Variants in FARS2 observed in about 807,000 individuals in gnomAD.
The protein encoded by FARS2 is phenylalanine--tRNA ligase, mitochondrial.
In FARS2, 40 loss-of-function variants were observed where a neutral mutation model predicts 46.4. The observed-to-expected ratio is 0.86, with a 90% CI of 0.67 to 1.12. The LOEUF (loss-of-function observed/expected upper bound fraction) is 1.12, where lower values mean the gene tolerates loss of function less well. Ranked by LOEUF, FARS2 falls within the 50% of genes most tolerant of loss-of-function variation. The pLI, the probability that FARS2 is intolerant of heterozygous loss-of-function variation, is 0.00. For synonymous variants in FARS2, 234 were observed against 214.9 expected (o/e 1.09, Z -0.78); for missense variants, 513 against 567.9 (o/e 0.90, Z 0.98).
the FARS2 span, among the ~76,000 whole-genome samples, chr6:5,252,435 G>A: frequency 1.3e-5 from 2 of 152,128 alleles, no homozygotes; most frequent in Non-Finnish European, 1.5e-5. Flanking sequence ...ATTTAGCTCA[G>A]TCCAACACTT....
intron 5 of FARS2, among the ~76,000 whole-genome samples, chr6:5,590,651 A>G (rs546027814): frequency 6.6e-6 from 1 of 152,356 alleles, no homozygotes; most frequent in South Asian, 2.1e-4. Context: ...CCATATGTGC[A>G]GTCCTCATCC....
At chr6:5,320,527 G>C (rs1256566913) in intron 1 of FARS2, among the ~76,000 whole-genome samples, 1 of 152,178 alleles carries the variant, frequency 6.6e-6, no homozygotes, top group East Asian at 1.9e-4. Flanking sequence ...GACCACTTAA[G>C]GTGGTACTGT....
chr6:5,648,948 A>G (rs573423878), intron 6 of FARS2, among the ~76,000 whole-genome samples: 1 of 152,310 alleles, frequency 6.6e-6, no homozygotes, highest in African/African-American at 2.4e-5. Flanking sequence ...ATGAATGAAT[A>G]CAGTATAAAA....
intron 5 of FARS2, among the ~76,000 whole-genome samples, chr6:5,571,099 T>C (rs1476037920): frequency 1.3e-5 from 2 of 152,234 alleles, no homozygotes; most frequent in African/African-American, 4.8e-5. Flanking sequence ...ACATCGTGCA[T>C]CTATTAAAGG....
At chr6:5,686,409 G>T (rs934198912) in intron 6 of FARS2, among the ~76,000 whole-genome samples, 1 of 151,474 alleles carries the variant, frequency 6.6e-6, no homozygotes, top group African/African-American at 2.4e-5. Context: ...GTGTCCATGT[G>T]TTCTCATTGT....
chr6:5,273,712 T>G (rs1392069044), intron 1 of FARS2, among the ~76,000 whole-genome samples: 5 of 152,234 alleles, frequency 3.3e-5, no homozygotes, highest in Admixed American at 6.5e-5. Flanking sequence ...TTTGGTGGCC[T>G]GTACTTTTGA....
At chr6:5,482,120 A>G (rs1766499687) in intron 4 of FARS2, among the ~76,000 whole-genome samples, 1 of 146,830 alleles carries the variant, frequency 6.8e-6, no homozygotes, top group Admixed American at 6.8e-5. Context: ...ATCTCATAGG[A>G]TTGCCAGCTT....
chr6:5,354,516 CTTTT>C (rs529291216), intron 1 of FARS2, among the ~76,000 whole-genome samples: 3 of 139,992 alleles, frequency 2.1e-5, no homozygotes, highest in Non-Finnish European at 3.1e-5. Flanking sequence ...TAGTGGTTTC[CTTTT>C]TTTTTTTTTT....
At chr6:5,614,065 A>C (rs762125501) in intron 6 of FARS2, among the ~76,000 whole-genome samples, 1 of 152,080 alleles carries the variant, frequency 6.6e-6, no homozygotes. Flanking sequence ...GGCTGTGTAA[A>C]GTGATGATTG....
intron 1 of FARS2, among the ~76,000 whole-genome samples, chr6:5,289,040 GCCCT>G (rs1767325017): frequency 6.6e-6 from 1 of 152,160 alleles, no homozygotes; most frequent in African/African-American, 2.4e-5. Flanking sequence ...CAATCAGCAT[GCCCT>G]TAGAGTGGGA....
At chr6:5,444,264 C>T (rs12199688) in intron 4 of FARS2, among the ~76,000 whole-genome samples, 1,653 of 151,946 alleles carry the variant, frequency 0.011, 22 homozygotes, top group Non-Finnish European at 0.019. Flanking sequence ...GTCAGGAGTT[C>T]GCGACCAGCC....
intron 6 of FARS2, among the ~76,000 whole-genome samples, chr6:5,736,833 A>C (rs111375468): frequency 6.6e-6 from 1 of 152,152 alleles, no homozygotes; most frequent in African/African-American, 2.4e-5. Flanking sequence ...TCTAAGAGTG[A>C]TGGGTAAGTA....
At position 5,615,423 on chromosome 6, in the gene FARS2, C is replaced by T. The variant is rs62385465; in HGVS notation, c.1217+2103C>T. On this transcript the variant is annotated intron_variant, in intron 6 of 6. Transcript: ENST00000274680. Reference sequence around the variant, plus strand: ...TCTGTAGTTACTTTGCTTTTCTCCCCGTTCTGGGTTCTGCAAGCTCACATT... The same window carrying T: ...TCTGTAGTTACTTTGCTTTTCTCCCTGTTCTGGGTTCTGCAAGCTCACATT... 4.7e-3 allele frequency among the ~76,000 whole-genome samples: 709 copies of T among 152,276 alleles called. 2 individuals carry two copies. Among genetic ancestry groups the T allele is most frequent in the African/African-American group, 7.5e-3 (313 of 41,554 alleles).
chr6:5,345,662 C>T (rs922775276), intron 1 of FARS2, among the ~76,000 whole-genome samples: 2 of 152,046 alleles, frequency 1.3e-5, no homozygotes, highest in African/African-American at 4.8e-5. Context: ...TGAGAGTAGC[C>T]CACAATTAAA....
At chr6:5,693,847 T>G (rs564849946) in intron 6 of FARS2, among the ~76,000 whole-genome samples, 80 of 152,328 alleles carry the variant, frequency 5.3e-4, no homozygotes, top group Admixed American at 1.8e-3. Context: ...CAGTGTCTTC[T>G]GAATTGTTAG....
chr6:5,396,473 G>T (rs762092710), intron 2 of FARS2, among the ~76,000 whole-genome samples: 1 of 152,154 alleles, frequency 6.6e-6, no homozygotes, highest in African/African-American at 2.4e-5. Flanking sequence ...AGGTATAAAA[G>T]TATGAGGATT....
intron 5 of FARS2, among the ~76,000 whole-genome samples, chr6:5,555,331 C>T (rs1159700428): frequency 1.3e-5 from 2 of 152,086 alleles, no homozygotes; most frequent in East Asian, 1.9e-4. Context: ...CGGACTAATA[C>T]AGTGTGTAAC....
chr6:5,380,923 G>A (rs186247106), intron 2 of FARS2, among the ~76,000 whole-genome samples: 1 of 151,800 alleles, frequency 6.6e-6, no homozygotes, highest in Admixed American at 6.6e-5. Flanking sequence ...AGTTTTTATA[G>A]AAACTTTATA....
At chr6:5,538,407 G>A (rs1770354405) in intron 4 of FARS2, among the ~76,000 whole-genome samples, 1 of 152,114 alleles carries the variant, frequency 6.6e-6, no homozygotes, top group South Asian at 2.1e-4. Context: ...TAAAACTGGA[G>A]CAAAAGTCAC....
Sources: gnomAD v4.1 joint callset for allele counts (sites outside exome capture counted in the v4.1 genomes callset) on GRCh38, gnomAD v4.1.1 for gene constraint, MANE v1.5 for transcripts, NCBI Gene and HGNC (gene_info 2026-07-23, HGNC 2026-07-21) for gene names.